The following TMEM266 variants were observed in gnomAD, a reference collection of about 807,000 sequenced individuals.
The protein encoded by TMEM266 is transmembrane protein 266.
A neutral mutation model predicts 50.5 loss-of-function variants in TMEM266; 33 were observed. That is an observed-to-expected ratio of 0.65 (90% CI 0.50 to 0.87). The LOEUF (loss-of-function observed/expected upper bound fraction) is 0.87. Ranked by LOEUF, TMEM266 falls within the 40% of genes least tolerant of loss-of-function variation. TMEM266 has a pLI of 0.00. For synonymous variants in TMEM266, 310 were observed against 292.3 expected (o/e 1.06, Z -0.62); for missense variants, 655 against 695.1 (o/e 0.94, Z 0.65).
chr15:76,137,912 T>C lies in TMEM266; in HGVS notation c.227+17T>C, dbSNP rs2037616480. ...AAGAGAAGGGTAGGTGCTGGGACCA[T>C]TGAGCTAGCTAAGAAGTCCCTGGGT... On this transcript the variant is annotated intron_variant, in intron 3 of 10. Transcript: ENST00000388942. The C allele has an allele frequency of 2.6e-6, 4 of 1,539,274 alleles. No homozygotes were observed. Among genetic ancestry groups the C allele is most frequent in the South Asian group, 1.3e-5 (1 of 77,748 alleles).
intron 8 of TMEM266, among the ~76,000 whole-genome samples, chr15:76,189,080 T>C (rs1217043703): frequency 6.6e-6 from 1 of 152,134 alleles, no homozygotes; most frequent in East Asian, 1.9e-4. Context: ...TCGTCCCAGT[T>C]ACTCAGGAGG....
intron 3 of TMEM266, among the ~76,000 whole-genome samples, chr15:76,143,817 C>T (rs1353497577): frequency 1.3e-5 from 2 of 152,186 alleles, no homozygotes; most frequent in African/African-American, 4.8e-5. Flanking sequence ...TCATCCATTC[C>T]TATTACTTAA....
In TMEM266 at chr15:76,191,978, G is replaced by A; in HGVS notation, c.779G>A (p.Arg260Gln). The change falls in exon 9 of 11, where the codon CGG (arginine) becomes CAG (glutamine). Residue 260 changes from arginine (R) to glutamine (Q), a missense_variant. By Grantham distance (43) the Arg-to-Gln change is conservative. Transcript: ENST00000388942. Reference sequence around the variant, plus strand: ...CGTCTCCCTCCGCAGTTTGAGATCCGGCAGCTGCGCGCGCACCTGGCGCAG... The same window carrying A: ...CGTCTCCCTCCGCAGTTTGAGATCCAGCAGCTGCGCGCGCACCTGGCGCAG... The A allele has an allele frequency of 6.3e-7, 1 of 1,581,978 alleles. No individual in the cohort carries two copies. The highest frequency in any genetic ancestry group is 1.1e-5 in the South Asian group (1 of 89,118).
At position 76,156,589 on chromosome 15, in the gene TMEM266, C is replaced by G; in HGVS notation, c.228-15C>G. ...CCACTCTGAGCCTCTCTTCTCCCCACTTTTGTCCCCACAGGTCTAACTGGC... is the reference window on the plus strand; with the variant it reads ...CCACTCTGAGCCTCTCTTCTCCCCAGTTTTGTCCCCACAGGTCTAACTGGC... On this transcript the variant is annotated splice_polypyrimidine_tract_variant and intron_variant, in intron 3 of 10. Transcript: ENST00000388942. 5 of 1,612,954 alleles carry G rather than the reference C, an allele frequency of 3.1e-6. No homozygotes were observed. The highest frequency in any genetic ancestry group is 4.2e-6 in the Non-Finnish European group (5 of 1,179,744).
At chr15:76,127,316 T>TCTAGTC (rs2037438359) in intron 1 of TMEM266, among the ~76,000 whole-genome samples, 1 of 148,484 alleles carries the variant, frequency 6.7e-6, no homozygotes, top group East Asian at 2.0e-4. Flanking sequence ...ATCATCTACC[T>TCTAGTC]CTAGTCCTTT....
At position 76,192,025 on chromosome 15, in the gene TMEM266, G is replaced by C. The variant is rs763933915; in HGVS notation, c.826G>C (p.Glu276Gln). ...GCAGCAGGACCTGGACCTGGCTGCC[G>C]AGCGCGAAGCGGCGCTCCAGGCCCC... is the stretch of plus-strand genomic sequence containing the variant. Residue 276 changes from glutamate to glutamine, a missense_variant, in exon 9 of 11, where the codon GAG becomes CAG. Physicochemically the swap from Glu to Gln is conservative, Grantham distance 29. Around this residue, in one of 3 missense-constraint regions of TMEM266, gnomAD observed 455 missense variants for 401.8 expected, o/e 1.13. Transcript: ENST00000388942. The C allele has an allele frequency of 1.9e-5, 30 of 1,571,496 alleles. No homozygotes were observed. The highest frequency in any genetic ancestry group is 2.4e-5 in the Non-Finnish European group (28 of 1,164,362).
intron 1 of TMEM266, among the ~76,000 whole-genome samples, chr15:76,065,723 A>AT (rs11432545): frequency 0.026 from 3,907 of 151,606 alleles, 163 homozygotes; most frequent in African/African-American, 0.088. Flanking sequence ...AACAAATGCT[A>AT]TTTTTTTTTA....
rs957012242 is a variant in TMEM266 at position 76,153,627 on chromosome 15, G to T, written c.228-2977G>T. Among the ~76,000 whole-genome samples, 1 of 152,206 alleles carries T rather than the reference G, an allele frequency of 6.6e-6. No individual in the cohort carries two copies. The highest frequency in any genetic ancestry group is 1.5e-5 in the Non-Finnish European group (1 of 68,034). The stretch of plus-strand genomic sequence containing the variant: ...GGAGGAGTGAGCAGGCAGAGGGCAG[G>T]AGGGGAACCGGCTTCCGGGGGCGCT... On this transcript the variant is annotated intron_variant, in intron 3 of 10. Transcript: ENST00000388942. The surrounding 1 kb of genome is among the most constrained non-coding windows in gnomAD (Gnocchi z 4.2).
In TMEM266 at chr15:76,111,087, T is replaced by TC. The variant is rs1289297662; in HGVS notation, c.-96-23081_-96-23080insC. Reference sequence around the variant, plus strand: ...GAAGACACACTTTCGCAGTTTCTTTTTTTTTTTTTTGAGATGGAGTTTCGC... The same window carrying TC: ...GAAGACACACTTTCGCAGTTTCTTTTCTTTTTTTTTTGAGATGGAGTTTCGC... On this transcript the variant is annotated intron_variant, in intron 1 of 10. Transcript: ENST00000388942. Among the ~76,000 whole-genome samples the TC allele has an allele frequency of 3.3e-5, 5 of 151,780 alleles. No individual in the cohort carries two copies. In the East Asian group the frequency reaches 5.8e-4, roughly 18 times the overall value.
intron 9 of TMEM266, among the ~76,000 whole-genome samples, chr15:76,195,894 T>C (rs924598780): frequency 6.6e-6 from 1 of 152,210 alleles, no homozygotes; most frequent in Non-Finnish European, 1.5e-5. Flanking sequence ...TTTAAAATAC[T>C]CCTGCACATT....
intron 1 of TMEM266, among the ~76,000 whole-genome samples, chr15:76,100,921 T>G (rs2036990428): frequency 6.6e-6 from 1 of 151,726 alleles, no homozygotes; most frequent in South Asian, 2.1e-4. Flanking sequence ...CCTGTTCAAT[T>G]GTAGGACTTG....
chr15:76,191,708 C>A (rs2038572810), intron 8 of TMEM266: 2 of 437,384 alleles, frequency 4.6e-6, no homozygotes, highest in Middle Eastern at 5.9e-4. Flanking sequence ...TGTTTCCTCT[C>A]CCGGGCATCC....
intron 7 of TMEM266, among the ~76,000 whole-genome samples, chr15:76,171,602 A>G (rs970186657): frequency 1.3e-5 from 2 of 152,226 alleles, no homozygotes; most frequent in Non-Finnish European, 2.9e-5. Context: ...ACCAAGGACA[A>G]TCTGGCTGCC....
intron 1 of TMEM266, among the ~76,000 whole-genome samples, chr15:76,106,152 C>A (rs1434177138): frequency 1.3e-5 from 2 of 152,100 alleles, no homozygotes; most frequent in Non-Finnish European, 2.9e-5. Context: ...TGCCTCCCAT[C>A]CCCCAGCCCC....
At chr15:76,135,670 G>A (rs1295214661) in intron 2 of TMEM266, among the ~76,000 whole-genome samples, 3 of 152,126 alleles carry the variant, frequency 2.0e-5, no homozygotes, top group African/African-American at 7.2e-5. Flanking sequence ...CTCACATTCT[G>A]TTTCGTTTAA....
chr15:76,109,541 G>T (rs895967219), intron 1 of TMEM266, among the ~76,000 whole-genome samples: 1 of 152,126 alleles, frequency 6.6e-6, no homozygotes, highest in African/African-American at 2.4e-5. Flanking sequence ...TCATGCCTGG[G>T]GTCCCGACAA....
At chr15:76,199,762 G>GTCCCTCCCTCCTCCC (rs1567186343) in intron 9 of TMEM266, among the ~76,000 whole-genome samples, 1 of 148,542 alleles carries the variant, frequency 6.7e-6, no homozygotes, top group Non-Finnish European at 1.5e-5. Context: ...GTAAACACTA[G>GTCCCTCCCTCCTCCC]TCCCTCCCTC....
intron 9 of TMEM266, among the ~76,000 whole-genome samples, chr15:76,199,565 C>T (rs1049515600): frequency 1.3e-5 from 2 of 152,168 alleles, no homozygotes; most frequent in Non-Finnish European, 2.9e-5. Flanking sequence ...GCCACAAGCT[C>T]CACATGAGTT....
chr15:76,189,768 C>CA (rs1486217391), intron 8 of TMEM266, among the ~76,000 whole-genome samples: 4 of 152,180 alleles, frequency 2.6e-5, no homozygotes, highest in African/African-American at 9.7e-5. Flanking sequence ...GGGGGCTCTG[C>CA]ATGTGGGCAC....
Sources: gnomAD v4.1 joint callset for allele counts (sites outside exome capture counted in the v4.1 genomes callset) on GRCh38, gnomAD v4.1.1 for gene constraint, gnomAD v4.1.1 regional missense constraint, Gnocchi (gnomAD v3.1) non-coding constraint, MANE v1.5 for transcripts, NCBI Gene and HGNC (gene_info 2026-07-23, HGNC 2026-07-21) for gene names.